Variants in RNF220 observed in about 807,000 individuals in gnomAD.
The protein encoded by RNF220 is ring finger protein 220, also known as E3 ubiquitin-protein ligase RNF220.
In RNF220, 7 loss-of-function variants were observed where a neutral mutation model predicts 67.1. That is an observed-to-expected ratio of 0.10 (90% CI 0.06 to 0.20). The LOEUF is 0.20. RNF220 is among the 10% of genes least tolerant of loss of function. The probability of loss-of-function intolerance (pLI) is 1.00; values close to 1 mark genes in which losing one functional copy is unlikely to be tolerated. For missense variants in RNF220, 565 were observed against 740.3 expected (o/e 0.76, Z 2.75); for synonymous variants, 270 against 283.2 (o/e 0.95, Z 0.47).
chr1:44,495,208 G>A (rs902987534), intron 2 of RNF220, among the ~76,000 whole-genome samples: 8 of 150,166 alleles, frequency 5.3e-5, no homozygotes, highest in Non-Finnish European at 1.0e-4. Flanking sequence ...GTGAGACCCT[G>A]TCTCAAAAAA....
rs1254398618 is a variant in RNF220, at chr1:44,645,024, C to T, written c.1253C>T (p.Thr418Ile). 6.2e-7 allele frequency: 1 copy of T among 1,613,998 alleles called. No homozygotes were observed. The highest frequency in any genetic ancestry group is 8.5e-7 in the Non-Finnish European group (1 of 1,180,024). Residue 418 changes from threonine (T) to isoleucine (I), a missense_variant, in exon 10 of 15, where the codon ACA becomes ATA. By Grantham distance (89) the Thr-to-Ile change is moderately conservative. Transcript: ENST00000361799. This position sits in a 1 kb window ranked among gnomAD's most constrained non-coding sequence, Gnocchi z 5.0. The part of the protein sequence containing the change: ...QYTEADVIPC[T>I]GEEPGEAKER... ...ACAGAGGCTGATGTCATCCCCTGCA[C>T]AGGCGAGGAGCCTGGTGAAGCCAAG... is the stretch of plus-strand genomic sequence containing the variant.
Position 44,417,436 on chromosome 1 carries a change from A to C in RNF220, c.625+4714A>C, listed in dbSNP as rs1033333346. Among the ~76,000 whole-genome samples, 1 of 152,226 alleles carries C rather than the reference A, an allele frequency of 6.6e-6. No individual in the cohort carries two copies. The highest frequency in any genetic ancestry group is 1.5e-5 in the Non-Finnish European group (1 of 68,040). ...GACGGGAGCAGTCCCTGATGGCTGC[A>C]GAGCCATCTGGCCTGGCTTGGCTTG... On this transcript the variant is annotated intron_variant, in intron 2 of 14. Coordinates refer to ENST00000361799, the MANE Select transcript of RNF220 (RefSeq NM_018150.4). The surrounding 1 kb of genome is among the most constrained non-coding windows in gnomAD (Gnocchi z 4.0).
rs1044818854 is a variant in RNF220, at chr1:44,600,542, C to T, written c.626-13623C>T. Among the ~76,000 whole-genome samples the T allele has an allele frequency of 2.0e-5, 3 of 152,142 alleles. No individual in the cohort carries two copies. The highest frequency in any genetic ancestry group is 1.9e-4 in the East Asian group (1 of 5,200). On this transcript the variant is annotated intron_variant, in intron 2 of 14. Transcript: ENST00000361799. The surrounding 1 kb of genome is among the most constrained non-coding windows in gnomAD (Gnocchi z 4.0). ...AGGGATTAAATAGTACAGTGCTGGC[C>T]GGGCACAGTGGCTCACTCCTGTAAT... is the stretch of plus-strand genomic sequence containing the variant.
chr1:44,580,028 C>CATAAAAAAAAAA (rs1558061605), intron 2 of RNF220, among the ~76,000 whole-genome samples: 1 of 10,146 alleles, frequency 9.9e-5, no homozygotes, highest in African/African-American at 2.3e-4. Flanking sequence ...GACCCTGTCT[C>CATAAAAAAAAAA]ACAAAAAAAA....
intron 2 of RNF220, among the ~76,000 whole-genome samples, chr1:44,413,296 G>A (rs892047377): frequency 1.3e-5 from 2 of 152,150 alleles, no homozygotes; most frequent in Non-Finnish European, 2.9e-5. Context: ...CCTTGCGATC[G>A]CAAGGCTAGA....
At chr1:44,552,101 A>G (rs1282692339) in intron 2 of RNF220, among the ~76,000 whole-genome samples, 2 of 152,222 alleles carry the variant, frequency 1.3e-5, no homozygotes, top group African/African-American at 2.4e-5. Flanking sequence ...GTTGGGTCCT[A>G]TAAGCCTCAT....
chr1:44,498,209 A>G (rs763067412), intron 2 of RNF220, among the ~76,000 whole-genome samples: 7 of 152,198 alleles, frequency 4.6e-5, no homozygotes, highest in Non-Finnish European at 8.8e-5. Context: ...GGGTTCCTAG[A>G]AAAGAAAGAA....
At chr1:44,556,383 T>C (rs968897842) in intron 2 of RNF220, among the ~76,000 whole-genome samples, 1 of 150,620 alleles carries the variant, frequency 6.6e-6, no homozygotes, top group Non-Finnish European at 1.5e-5. Context: ...TTTAGCACAG[T>C]GCCTGGCACA....
chr1:44,610,900 C>T (rs996150517), intron 2 of RNF220, among the ~76,000 whole-genome samples: 1 of 152,178 alleles, frequency 6.6e-6, no homozygotes, highest in Non-Finnish European at 1.5e-5. Context: ...TTGGCCATCC[C>T]CAGCGGTTTT....
At chr1:44,584,348 C>T (rs1031363404) in intron 2 of RNF220, among the ~76,000 whole-genome samples, 5 of 152,350 alleles carry the variant, frequency 3.3e-5, no homozygotes, top group Middle Eastern at 3.4e-3. Flanking sequence ...CTGTCCAGAG[C>T]GTGGTTCATT....
intron 2 of RNF220, among the ~76,000 whole-genome samples, chr1:44,423,547 C>T (rs919389697): frequency 7.2e-5 from 11 of 152,110 alleles, no homozygotes; most frequent in African/African-American, 2.7e-4. Flanking sequence ...ACCAGAGGAC[C>T]CATGAGCACC....
intron 2 of RNF220, chr1:44,424,096 A>C (rs994787823): frequency 1.2e-6 from 1 of 856,566 alleles, no homozygotes; most frequent in Non-Finnish European, 1.4e-6. Context: ...GAATCAAAGA[A>C]GTAGGAGATG....
At chr1:44,456,416 C>T (rs1283141685) in intron 2 of RNF220, among the ~76,000 whole-genome samples, 1 of 152,000 alleles carries the variant, frequency 6.6e-6, no homozygotes, top group East Asian at 1.9e-4. Context: ...TTCAGAGTGC[C>T]GGAAAGCCCA....
chr1:44,558,677 G>A (rs1183305883), intron 2 of RNF220, among the ~76,000 whole-genome samples: 3 of 152,166 alleles, frequency 2.0e-5, no homozygotes, highest in Admixed American at 6.5e-5. Flanking sequence ...CCAAGATCAC[G>A]CAGCTAGAAA....
intron 2 of RNF220, among the ~76,000 whole-genome samples, chr1:44,588,491 C>T (rs919661044): frequency 2.6e-5 from 4 of 152,366 alleles, no homozygotes; most frequent in Middle Eastern, 3.4e-3. Context: ...TCTTCTTTGC[C>T]TTTCCAATCT....
intron 2 of RNF220, chr1:44,423,933 TAA>T: frequency 5.1e-6 from 5 of 985,406 alleles, no homozygotes; most frequent in Non-Finnish European, 6.0e-6. Flanking sequence ...GTCGGCATGC[TAA>T]AAACAGTTCC....
intron 2 of RNF220, among the ~76,000 whole-genome samples, chr1:44,578,777 A>G (rs370618572): frequency 7.9e-5 from 12 of 152,314 alleles, no homozygotes; most frequent in East Asian, 7.7e-4. Flanking sequence ...GATCTTCACA[A>G]ATATCCTGAG....
At chr1:44,471,191 C>G (rs1226454823) in intron 2 of RNF220, among the ~76,000 whole-genome samples, 1 of 150,648 alleles carries the variant, frequency 6.6e-6, no homozygotes. Context: ...TTTGGGAGTC[C>G]GAGGCTGGTG....
intron 2 of RNF220, among the ~76,000 whole-genome samples, chr1:44,531,380 T>G (rs1660817483): frequency 6.6e-6 from 1 of 152,210 alleles, no homozygotes; most frequent in Admixed American, 6.5e-5. Context: ...CTTTTCCATC[T>G]AGGAAGATTA....
Sources: allele counts gnomAD v4.1 joint callset (sites outside exome capture counted in the v4.1 genomes callset), GRCh38; gene constraint gnomAD v4.1.1; non-coding constraint Gnocchi (gnomAD v3.1); transcripts MANE v1.5; gene names NCBI Gene and HGNC (gene_info 2026-07-23, HGNC 2026-07-21).